The following BNIP2 variants were observed in gnomAD, a reference collection of about 807,000 sequenced individuals.
The protein encoded by BNIP2 is BCL2/adenovirus E1B 19 kDa protein-interacting protein 2.
BNIP2 carries 36 observed loss-of-function variants against 43.4 expected under a neutral mutation model. The ratio of observed to expected loss-of-function variants is 0.83; its 90% CI spans 0.64 to 1.10. The LOEUF (loss-of-function observed/expected upper bound fraction) is 1.10. Ranked by LOEUF, BNIP2 falls within the 50% of genes least tolerant of loss-of-function variation. BNIP2 has a pLI of 0.00. For synonymous variants in BNIP2, 146 were observed against 121.0 expected, an observed-to-expected ratio of 1.21 and a Z score of -1.35; for missense variants, 417 against 374.1, an observed-to-expected ratio of 1.11 and a Z score of -0.95.
chr15:59,687,841 G>A (rs1235575146), intron 1 of BNIP2, among the ~76,000 whole-genome samples: 1 of 152,050 alleles, frequency 6.6e-6, no homozygotes, highest in African/African-American at 2.4e-5. Flanking sequence ...TGGGATGCAT[G>A]ACACTTGTGT....
chr15:59,680,603 G>A (rs867230900), intron 2 of BNIP2, among the ~76,000 whole-genome samples: 2 of 152,142 alleles, frequency 1.3e-5, no homozygotes, highest in African/African-American at 2.4e-5. Flanking sequence ...GTCTTGCTAT[G>A]TTACCCAGGC....
chr15:59,688,980 C>T, intron 1 of BNIP2, 155 bp downstream of exon 1: 1 of 1,442,714 alleles, frequency 6.9e-7, no homozygotes, highest in Non-Finnish European at 9.0e-7. Flanking sequence ...GAAGCACCTC[C>T]CGAGCAGGTT....
At position 59,667,798 on chromosome 15, in the gene BNIP2, G is replaced by A. The variant is rs1038758093; in HGVS notation, c.893+1094C>T. ...ACAGATAAAGTCTTAAAATTATTTG[G>A]TGTTCCAAATACCATTTTTAGTAAT... On this transcript the variant is annotated intron_variant, in intron 9 of 9. Transcript: ENST00000607373. 3.9e-5 allele frequency among the ~76,000 whole-genome samples: 6 copies of A among 152,322 alleles called. 1 individual carries two copies. Among genetic ancestry groups the A allele is most frequent in the Admixed American group, 3.9e-4 (6 of 15,308 alleles).
rs1422409655 is a variant in BNIP2, at chr15:59,689,248, C to T, written c.-171G>A. 2 of 1,543,280 alleles carry T rather than the reference C, an allele frequency of 1.3e-6. No individual in the cohort carries two copies. The highest frequency in any genetic ancestry group is 1.7e-6 in the Non-Finnish European group (2 of 1,146,230). ...AGCGGAGCCCGCTCCCCTCGGTCGG[C>T]GGTGGAGACCCCGGCCCAATCCCCC... is the stretch of plus-strand genomic sequence containing the variant. On this transcript the variant is annotated 5_prime_UTR_variant, in exon 1 of 10. Coordinates refer to ENST00000607373, the MANE Select transcript of BNIP2 (RefSeq NM_004330.4).
chr15:59,687,939 G>A (rs1278542437), intron 1 of BNIP2, among the ~76,000 whole-genome samples: 1 of 152,132 alleles, frequency 6.6e-6, no homozygotes, highest in African/African-American at 2.4e-5. Context: ...ACAGCACACC[G>A]TCTCCAGTGC....
At position 59,682,395 on chromosome 15, in the gene BNIP2, A is replaced by C. The variant is rs1427372378; in HGVS notation, c.50+13T>G. 6.3e-7 allele frequency: 1 copy of C among 1,587,236 alleles called. No individual in the cohort carries two copies. The highest frequency in any genetic ancestry group is 2.0e-5 in the Admixed American group (1 of 51,154). Reference sequence around the variant, plus strand: ...TTGCTCTAAAATTGTTTTCTTTTAAAAGCATTGCTCACATCGGAAAATCTT... The same window carrying C: ...TTGCTCTAAAATTGTTTTCTTTTAACAGCATTGCTCACATCGGAAAATCTT... On this transcript the variant is annotated intron_variant, in intron 2 of 9. Coordinates refer to ENST00000607373, the MANE Select transcript of BNIP2 (RefSeq NM_004330.4).
intron 4 of BNIP2, 75 bp downstream of exon 4, chr15:59,679,517 G>C (rs1156309208): frequency 1.4e-6 from 2 of 1,420,828 alleles, no homozygotes; most frequent in African/African-American, 2.9e-5. Flanking sequence ...ATGAACTTTA[G>C]AAAGAATGAT....
intron 6 of BNIP2, 83 bp from the exon 7 acceptor site, chr15:59,671,397 T>C: frequency 3.3e-6 from 4 of 1,226,562 alleles, no homozygotes; most frequent in South Asian, 1.6e-5. Context: ...CATTATACAA[T>C]TCCTTCCTCT....
chr15:59,681,454 T>G (rs1392013786), intron 2 of BNIP2, among the ~76,000 whole-genome samples: 2 of 151,522 alleles, frequency 1.3e-5, no homozygotes, highest in African/African-American at 4.8e-5. Context: ...CACAAATTTT[T>G]TTTTTTTTTT....
intron 1 of BNIP2, among the ~76,000 whole-genome samples, chr15:59,688,082 G>T (rs1894133138): frequency 6.6e-6 from 1 of 152,156 alleles, no homozygotes. Context: ...TTGCAGAAGT[G>T]GATCTGTCAT....
intron 5 of BNIP2, among the ~76,000 whole-genome samples, chr15:59,675,069 T>C (rs1295402557): frequency 2.0e-5 from 3 of 151,140 alleles, no homozygotes; most frequent in African/African-American, 7.3e-5. Flanking sequence ...GCCAATATGG[T>C]GAAACCCCGT....
rs536666355 is a variant in BNIP2, at chr15:59,669,963, T to G, written c.708-601A>C. Among the ~76,000 whole-genome samples, 4 of 152,314 alleles carry G rather than the reference T, an allele frequency of 2.6e-5. No homozygotes were observed. In the East Asian group the frequency reaches 7.7e-4, roughly 29 times the overall value. ...TCATAAGAGCTAGCCAATGTCAAATTTAGATGTGAAGAGAAACCTATTAAT... is the reference window on the plus strand; with the variant it reads ...TCATAAGAGCTAGCCAATGTCAAATGTAGATGTGAAGAGAAACCTATTAAT... On this transcript the variant is annotated intron_variant, in intron 7 of 9. Transcript: ENST00000607373.
At chr15:59,675,921 G>A (rs1352665329) in intron 5 of BNIP2, among the ~76,000 whole-genome samples, 1 of 152,148 alleles carries the variant, frequency 6.6e-6, no homozygotes, top group African/African-American at 2.4e-5. Flanking sequence ...AACTAATCAG[G>A]GGGTAGATAT....
intron 9 of BNIP2, among the ~76,000 whole-genome samples, chr15:59,664,522 C>T (rs559694533): frequency 1.8e-3 from 275 of 152,212 alleles, no homozygotes; most frequent in African/African-American, 6.3e-3. Context: ...GCTGGGACTA[C>T]AGGCGCCCGC....
At chr15:59,678,546 A>G in intron 4 of BNIP2, 1 of 1,079,554 alleles carries the variant, frequency 9.3e-7, no homozygotes, top group Non-Finnish European at 1.1e-6. Context: ...TAACTACTCA[A>G]TGATCACTTC....
intron 9 of BNIP2, among the ~76,000 whole-genome samples, chr15:59,664,602 C>T (rs765371197): frequency 4.6e-5 from 7 of 151,908 alleles, no homozygotes; most frequent in East Asian, 1.9e-4. Context: ...AGGATGGTCT[C>T]GATCTCCTGA....
chr15:59,681,395 C>G (rs1471981067), intron 2 of BNIP2, among the ~76,000 whole-genome samples: 2 of 151,472 alleles, frequency 1.3e-5, no homozygotes, highest in African/African-American at 4.9e-5. Flanking sequence ...CTAGAAAATC[C>G]TTATTAATTT....
intron 4 of BNIP2, among the ~76,000 whole-genome samples, chr15:59,679,073 A>G (rs1272413344): frequency 6.6e-6 from 1 of 152,212 alleles, no homozygotes; most frequent in Non-Finnish European, 1.5e-5. Flanking sequence ...TATAACAACT[A>G]TATATAAGAT....
Position 59,671,306 on chromosome 15 carries a change from A to G in BNIP2, c.584T>C (p.Ile195Thr). ...TGCTACTAATAGCTCCAAAGTGCCA[A>G]TAACATATCTGTAAAAAACAAATTA... ...YLMDNLFKYV[I>T]GTLELLVAEN... is the part of the protein sequence containing the mutation. The change falls in exon 7 of 10, where the codon ATT (isoleucine) becomes ACT (threonine). Residue 195 changes from isoleucine to threonine, a missense_variant. Physicochemically the swap from Ile to Thr is moderately conservative, Grantham distance 89. Coordinates refer to ENST00000607373, the MANE Select transcript of BNIP2 (RefSeq NM_004330.4). The G allele has an allele frequency of 6.3e-7, 1 of 1,587,814 alleles. No individual in the cohort carries two copies. The highest frequency in any genetic ancestry group is 8.6e-7 in the Non-Finnish European group (1 of 1,165,656).
Sources: gnomAD v4.1 joint callset for allele counts (sites outside exome capture counted in the v4.1 genomes callset) on GRCh38, gnomAD v4.1.1 for gene constraint, MANE v1.5 for transcripts, NCBI Gene and HGNC (gene_info 2026-07-23, HGNC 2026-07-21) for gene names.